Variants in C4orf36 observed in about 807,000 individuals in gnomAD.
C4orf36 encodes the protein uncharacterized protein C4orf36.
In C4orf36, 11 loss-of-function variants were observed where a neutral mutation model predicts 12.2. That is an observed-to-expected ratio of 0.90 (90% CI 0.57 to 1.49). The LOEUF (loss-of-function observed/expected upper bound fraction) is 1.49, where lower values mean the gene tolerates loss of function less well. C4orf36 is among the 40% of genes most tolerant of loss of function. C4orf36 has a pLI of 0.00. For missense variants in C4orf36, 137 were observed against 133.9 expected, an observed-to-expected ratio of 1.02 and a Z score of -0.11; for synonymous variants, 54 against 51.3, an observed-to-expected ratio of 1.05 and a Z score of -0.22.
At chr4:86,902,773 C>A in the C4orf36 span, among the ~76,000 whole-genome samples, 1 of 152,188 alleles carries the variant, frequency 6.6e-6, no homozygotes, top group Non-Finnish European at 1.5e-5. Flanking sequence ...TAATCTATTT[C>A]AGCACTTATC....
the C4orf36 span, among the ~76,000 whole-genome samples, chr4:86,911,556 GT>G: frequency 6.6e-6 from 1 of 152,192 alleles, no homozygotes; most frequent in East Asian, 1.9e-4. Flanking sequence ...CTTGCTGAGG[GT>G]TTTTTCTTAT....
At chr4:86,923,238 T>C in the C4orf36 span, among the ~76,000 whole-genome samples, 2 of 151,914 alleles carry the variant, frequency 1.3e-5, no homozygotes, top group Admixed American at 6.6e-5. Context: ...ACTACAGGTA[T>C]GTACCACTAT....
At chr4:86,890,003 C>A (rs1425964251) in intron 2 of C4orf36, 4 of 449,400 alleles carry the variant, frequency 8.9e-6, no homozygotes, top group East Asian at 1.4e-4. Flanking sequence ...CTAGCCTGGG[C>A]AACAAAGTGA....
chr4:86,890,157 C>A (rs1253006985), intron 2 of C4orf36: 1 of 408,888 alleles, frequency 2.4e-6, no homozygotes, highest in South Asian at 1.6e-5. Context: ...CAGTGTGAGA[C>A]CCTGTCAGGA....
the C4orf36 span, among the ~76,000 whole-genome samples, chr4:86,930,015 A>G: frequency 6.6e-5 from 10 of 152,360 alleles, no homozygotes; most frequent in South Asian, 2.1e-3. Flanking sequence ...TCTGGAACTT[A>G]GAAGAGAGAT....
At chr4:86,882,898 G>GC in intron 4 of C4orf36, among the ~76,000 whole-genome samples, 1 of 152,106 alleles carries the variant, frequency 6.6e-6, no homozygotes, top group Non-Finnish European at 1.5e-5. Context: ...CTAAAACCCA[G>GC]CCTGCCCTTT....
upstream of C4orf36, among the ~76,000 whole-genome samples, chr4:86,895,848 C>CT (rs144802801): frequency 0.03 from 4,523 of 152,260 alleles, 245 homozygotes; most frequent in African/African-American, 0.1. Flanking sequence ...ACACATCTTT[C>CT]TATTAGGTAA....
rs982802936 is a variant in C4orf36 at position 86,876,336 on chromosome 4, G to T, written c.*110C>A. The stretch of plus-strand genomic sequence containing the variant: ...CCTGAGGTGGGGGCCGGGCCAGGAT[G>T]GCTGCAGCGCAGCGACGGCCGGGGC... On this transcript the variant is annotated 3_prime_UTR_variant, in exon 5 of 5. Coordinates refer to ENST00000295898, the MANE Select transcript of C4orf36 (RefSeq NM_144645.4). The T allele has an allele frequency of 3.3e-6, 5 of 1,525,822 alleles. No homozygotes were observed. Among genetic ancestry groups the T allele is most frequent in the Non-Finnish European group, 4.4e-6 (5 of 1,137,278 alleles). The allele number at this position is 1,525,822 out of a possible 1,614,324, so 94.5% of individuals were successfully genotyped here. A position where few individuals can be genotyped will look rare whatever the true frequency, so the allele number is the denominator to read the frequency against.
At position 86,892,172 on chromosome 4, in the gene C4orf36, C is replaced by G; in HGVS notation, c.-74+11G>C. The G allele has an allele frequency of 2.0e-6, 2 of 985,574 alleles. No individual in the cohort carries two copies. The highest frequency in any genetic ancestry group is 9.4e-5 in the South Asian group (2 of 21,292). The allele number at this position is 985,574 out of a possible 1,614,324, so 61.1% of individuals were successfully genotyped here. A position where few individuals can be genotyped will look rare whatever the true frequency, so the allele number is the denominator to read the frequency against. ...GAAGGGAACGGCCTCAGCCTCGGCT[C>G]CTTCCCACACCTGGGCCCCACCCTG... On this transcript the variant is annotated intron_variant, in intron 1 of 4. Transcript: ENST00000295898.
the C4orf36 span, chr4:86,936,152 C>G: frequency 6.6e-6 from 1 of 152,170 alleles, no homozygotes; most frequent in African/African-American, 2.4e-5. Flanking sequence ...GGAGATGTGT[C>G]CGAATCTCCC....
chr4:86,930,874 G>A, the C4orf36 span, among the ~76,000 whole-genome samples: 1 of 152,156 alleles, frequency 6.6e-6, no homozygotes, highest in Non-Finnish European at 1.5e-5. Flanking sequence ...TAATAATTGT[G>A]CACCTGGTTC....
At chr4:86,914,132 A>T in the C4orf36 span, 1 of 1,601,346 alleles carries the variant, frequency 6.2e-7, no homozygotes, top group Middle Eastern at 1.7e-4. Context: ...AACAAACAGA[A>T]ATGAATCGTG....
chr4:86,930,365 A>G, the C4orf36 span, among the ~76,000 whole-genome samples: 1 of 152,398 alleles, frequency 6.6e-6, no homozygotes, highest in African/African-American at 2.4e-5. Flanking sequence ...AGTGTTAAGA[A>G]CATGGCCTTC....
chr4:86,892,272 G>T lies in C4orf36; in HGVS notation c.-163C>A, dbSNP rs1191376888. The T allele has an allele frequency of 5.1e-6, 5 of 985,746 alleles. No homozygotes were observed. Among genetic ancestry groups the T allele is most frequent in the Non-Finnish European group, 6.0e-6 (5 of 830,294 alleles). The allele number at this position is 985,746 out of a possible 1,614,324, so 61.1% of individuals were successfully genotyped here. A position where few individuals can be genotyped will look rare whatever the true frequency, so the allele number is the denominator to read the frequency against. The stretch of plus-strand genomic sequence containing the variant: ...GGGTCCCCGCGAGCCGGCGCCGGCG[G>T]CCTGGTTACCCGGGCTCCAGGGGCT... On this transcript the variant is annotated 5_prime_UTR_variant, in exon 1 of 5. Coordinates refer to ENST00000295898, the MANE Select transcript of C4orf36 (RefSeq NM_144645.4).
At chr4:86,886,346 A>G (rs915916556) in intron 4 of C4orf36, 3 of 152,230 alleles carry the variant, frequency 2.0e-5, no homozygotes, top group African/African-American at 7.2e-5. Context: ...AGAATGGGAG[A>G]AAATTTTTGC....
the C4orf36 span, among the ~76,000 whole-genome samples, chr4:86,921,876 A>G: frequency 6.6e-6 from 1 of 152,164 alleles, no homozygotes; most frequent in East Asian, 1.9e-4. Context: ...CCACTGTTCT[A>G]CTTTCTGTCT....
the C4orf36 span, among the ~76,000 whole-genome samples, chr4:86,934,092 T>C: frequency 7.9e-5 from 12 of 152,294 alleles, no homozygotes; most frequent in African/African-American, 2.9e-4. Flanking sequence ...TTTCACACAT[T>C]ATACCAATTT....
At position 86,876,362 on chromosome 4, in the gene C4orf36, CG is replaced by C. The variant is rs1157622678; in HGVS notation, c.*83del. The stretch of plus-strand genomic sequence containing the variant: ...GCTGCAGCGCAGCGACGGCCGGGGC[CG>C]GGAGCGGGTCCTGGGCGGCCCAGGA... On this transcript the variant is annotated 3_prime_UTR_variant, in exon 5 of 5. Coordinates refer to ENST00000295898, the MANE Select transcript of C4orf36 (RefSeq NM_144645.4). 1.3e-5 allele frequency: 20 copies of C among 1,584,232 alleles called. No individual in the cohort carries two copies. Among genetic ancestry groups the C allele is most frequent in the Middle Eastern group, 4.5e-4 (2 of 4,452 alleles).
chr4:86,900,764 T>C, the C4orf36 span, among the ~76,000 whole-genome samples: 2 of 152,206 alleles, frequency 1.3e-5, no homozygotes, highest in East Asian at 1.9e-4. Context: ...AGGCATGCCA[T>C]AGCTAACAGC....
Sources: allele counts gnomAD v4.1 joint callset (sites outside exome capture counted in the v4.1 genomes callset), GRCh38; gene constraint gnomAD v4.1.1; transcripts MANE v1.5; gene names NCBI Gene and HGNC (gene_info 2026-07-23, HGNC 2026-07-21).